The following CD244 variants were observed in gnomAD, a reference collection of about 807,000 sequenced individuals.
CD244 encodes the protein natural killer cell receptor 2B4.
CD244 carries 20 observed loss-of-function variants against 45.5 expected under a neutral mutation model. The ratio of observed to expected loss-of-function variants is 0.44; its 90% CI spans 0.31 to 0.64. The LOEUF (loss-of-function observed/expected upper bound fraction) is 0.64, where lower values mean the gene tolerates loss of function less well. Among genes scored for constraint, CD244 ranks in the 30% least tolerant of loss-of-function variants. The pLI is 0.08. For synonymous variants in CD244, 185 were observed against 160.5 expected, an observed-to-expected ratio of 1.15 and a Z score of -1.15; for missense variants, 407 against 426.9, an observed-to-expected ratio of 0.95 and a Z score of 0.41.
intron 3 of CD244, among the ~76,000 whole-genome samples, chr1:160,840,655 T>A (rs915936257): frequency 2.0e-5 from 3 of 152,194 alleles, no homozygotes; most frequent in Admixed American, 2.0e-4. Flanking sequence ...GGTTTTTTTT[T>A]CCTATAATGC....
At chr1:160,860,051 A>G (rs1284476798) in intron 1 of CD244, among the ~76,000 whole-genome samples, 7 of 151,870 alleles carry the variant, frequency 4.6e-5, no homozygotes, top group African/African-American at 1.7e-4. Context: ...CACCAAAAAT[A>G]CAAAAATTAG....
intron 1 of CD244, among the ~76,000 whole-genome samples, chr1:160,852,027 C>T (rs932148169): frequency 2.0e-5 from 3 of 152,094 alleles, no homozygotes; most frequent in Admixed American, 6.5e-5. Context: ...TGAAAAAGGG[C>T]TCATATCCAG....
chr1:160,834,180 T>C lies in CD244; in HGVS notation c.895-64A>G, dbSNP rs1571085060. On this transcript the variant is annotated intron_variant, in intron 6 of 8. Transcript: ENST00000368034. Reference sequence around the variant, plus strand: ...ATCCAGCACAATCTTACAAAGGTTATCTCTTCCGTTTCTCCTCCTCAACCC... The same window carrying C: ...ATCCAGCACAATCTTACAAAGGTTACCTCTTCCGTTTCTCCTCCTCAACCC... 5 of 1,228,424 alleles carry C rather than the reference T, an allele frequency of 4.1e-6. No individual in the cohort carries two copies. In the East Asian group the frequency reaches 1.2e-4, roughly 29 times the overall value. 76.1% of individuals were successfully genotyped at this position (1,228,424 alleles called of 1,614,324 possible).
At chr1:160,837,257 T>C (rs1669366355) in intron 5 of CD244, among the ~76,000 whole-genome samples, 1 of 152,164 alleles carries the variant, frequency 6.6e-6, no homozygotes, top group Non-Finnish European at 1.5e-5. Context: ...CTCTAAGTTG[T>C]TTTTCCTCCT....
chr1:160,846,302 T>C (rs545244171), intron 1 of CD244, among the ~76,000 whole-genome samples: 1 of 152,166 alleles, frequency 6.6e-6, no homozygotes, highest in Non-Finnish European at 1.5e-5. Context: ...GAACATACGT[T>C]GTTTGGTTTT....
chr1:160,851,723 G>C (rs1448785276), intron 1 of CD244, among the ~76,000 whole-genome samples: 1 of 151,734 alleles, frequency 6.6e-6, no homozygotes, highest in Non-Finnish European at 1.5e-5. Flanking sequence ...TTGCATTTTT[G>C]GTAGAGATAG....
intron 1 of CD244, among the ~76,000 whole-genome samples, chr1:160,849,347 C>T (rs80120885): frequency 0.048 from 6,927 of 143,782 alleles, 454 homozygotes; most frequent in African/African-American, 0.15. Context: ...AGATTTGTTA[C>T]GTAGGTATAC....
At chr1:160,850,653 T>C (rs1174949313) in intron 1 of CD244, among the ~76,000 whole-genome samples, 1 of 152,158 alleles carries the variant, frequency 6.6e-6, no homozygotes, top group Non-Finnish European at 1.5e-5. Flanking sequence ...AGTCTAGAAA[T>C]AGACCCTGTG....
At chr1:160,845,643 G>A (rs544320881) in intron 1 of CD244, among the ~76,000 whole-genome samples, 112 of 152,092 alleles carry the variant, frequency 7.4e-4, no homozygotes, top group Non-Finnish European at 1.3e-3. Flanking sequence ...ATCACCTGAC[G>A]TCAGGAGTTT....
Position 160,841,900 on chromosome 1 carries a change from T to C in CD244, c.63A>G (p.Gly21=), listed in dbSNP as rs776939585. Residue 21 remains glycine, a splice_region_variant and synonymous_variant, in exon 2 of 9, where the codon GGA becomes GGG. Transcript: ENST00000368034. ...CCACATGGTCAGCTGATCCCTGGCATCCTAGGAAAGAGAACCCAAGCTGAA... is the reference window on the plus strand; with the variant it reads ...CCACATGGTCAGCTGATCCCTGGCACCCTAGGAAAGAGAACCCAAGCTGAA... The part of the protein sequence containing the change: ...LLLLKVYQGK[G]CQGSADHVVS... 1.2e-5 allele frequency: 19 copies of C among 1,613,110 alleles called. No homozygotes were observed. In the South Asian group the frequency reaches 2.1e-4, roughly 18 times the overall value.
intron 4 of CD244, 171 bp from the exon 5 acceptor site, chr1:160,838,689 A>G: frequency 1.6e-6 from 1 of 627,984 alleles, no homozygotes; most frequent in South Asian, 1.9e-5. Flanking sequence ...CAGCAACCGA[A>G]CTGCCCCTCC....
chr1:160,859,599 A>G (rs1670221983), intron 1 of CD244, among the ~76,000 whole-genome samples: 1 of 152,156 alleles, frequency 6.6e-6, no homozygotes, highest in Non-Finnish European at 1.5e-5. Context: ...TTTTAAAGAA[A>G]AAATAATTTT....
At chr1:160,861,571 C>CT (rs202146582) in intron 1 of CD244, among the ~76,000 whole-genome samples, 1,945 of 152,298 alleles carry the variant, frequency 0.013, 21 homozygotes, top group Admixed American at 0.027. Context: ...TGGCTCACAC[C>CT]TGTAATCCCA....
At chr1:160,831,646 T>A (rs1571081034) in intron 8 of CD244, among the ~76,000 whole-genome samples, 1 of 152,292 alleles carries the variant, frequency 6.6e-6, no homozygotes, top group East Asian at 1.9e-4. Flanking sequence ...CACATATGCT[T>A]TTTCATGACC....
rs145231927 is a variant in CD244, at chr1:160,841,807, T to C, written c.156A>G (p.Ala52=). Residue 52 remains alanine, a synonymous_variant, in exon 2 of 9, where the codon GCA becomes GCG. Coordinates refer to ENST00000368034, the MANE Select transcript of CD244 (RefSeq NM_016382.4). The stretch of plus-strand genomic sequence containing the variant: ...TTTGTGAGGGCAGCAACTTCTTCCA[T>C]GCAATGCTGTCAACCTTCGTCTGTA... ...NSIQTKVDSI[A]WKKLLPSQNG... The C allele has an allele frequency of 2.1e-4, 336 of 1,614,164 alleles. 1 individual carries two copies. Among genetic ancestry groups the C allele is most frequent in the Non-Finnish European group, 2.6e-4 (307 of 1,180,014 alleles).
chr1:160,861,670 C>G (rs1670310285), intron 1 of CD244, among the ~76,000 whole-genome samples: 2 of 152,000 alleles, frequency 1.3e-5, no homozygotes. Flanking sequence ...AACCTGGTCT[C>G]TACTAAAAAT....
In CD244 at chr1:160,831,424, C is replaced by A. The variant is rs199705338; in HGVS notation, c.1021G>T (p.Gly341Ter). 246 of 1,612,860 alleles carry A rather than the reference C, an allele frequency of 1.5e-4. No individual in the cohort carries two copies. The highest frequency in any genetic ancestry group is 2.1e-4 in the Non-Finnish European group (243 of 1,178,960). The change falls in exon 9 of 9, where the codon GGA becomes TGA. Residue 341 changes from glycine (G) to a stop codon, truncating the protein, a stop_gained. Coordinates refer to ENST00000368034, the MANE Select transcript of CD244 (RefSeq NM_016382.4). LOFTEE classifies it low-confidence loss of function (END_TRUNC). ...SFNSTIYEVI[G>*]KSQPKAQNPA... ...TTCTGGGCTTTAGGTTGACTCTTTC[C>A]AATCTGCAAAAGAAAAGGAGAAACT...
At chr1:160,831,501 G>A (rs1669113985) in intron 8 of CD244, 74 bp from the exon 9 acceptor site, 1 of 1,017,410 alleles carries the variant, frequency 9.8e-7, no homozygotes, top group African/African-American at 1.6e-5. Context: ...GGTATGACTT[G>A]CCATCCCCAT....
chr1:160,850,602 C>T (rs1432529728), intron 1 of CD244, among the ~76,000 whole-genome samples: 1 of 152,138 alleles, frequency 6.6e-6, no homozygotes, highest in Non-Finnish European at 1.5e-5. Flanking sequence ...AGATAGCATT[C>T]CAGTATTGCA....
Sources: allele counts gnomAD v4.1 joint callset (sites outside exome capture counted in the v4.1 genomes callset), GRCh38; gene constraint gnomAD v4.1.1; transcripts MANE v1.5; gene names NCBI Gene and HGNC (gene_info 2026-07-23, HGNC 2026-07-21).